Variants in MGAT4C observed in about 807,000 individuals in gnomAD.
The protein encoded by MGAT4C is alpha-1,3-mannosyl-glycoprotein 4-beta-N-acetylglucosaminyltransferase C.
In MGAT4C, 19 loss-of-function variants were observed where a neutral mutation model predicts 40.1. The observed-to-expected ratio is 0.47, with a 90% CI of 0.33 to 0.70. The LOEUF (loss-of-function observed/expected upper bound fraction) is 0.70, where lower values mean the gene tolerates loss of function less well. MGAT4C is among the 30% of genes least tolerant of loss of function. The pLI is 0.02. For synonymous variants in MGAT4C, 181 were observed against 187.1 expected, an observed-to-expected ratio of 0.97 and a Z score of 0.27; for missense variants, 491 against 563.2, an observed-to-expected ratio of 0.87 and a Z score of 1.30.
At chr12:86,612,527 A>G (rs951757205) in intron 2 of MGAT4C, among the ~76,000 whole-genome samples, 8 of 152,260 alleles carry the variant, frequency 5.3e-5, no homozygotes, top group Middle Eastern at 3.4e-3. Flanking sequence ...AGGCAAGCAG[A>G]TCATCTGAAG....
intron 1 of MGAT4C, among the ~76,000 whole-genome samples, chr12:86,194,969 T>G (rs980424904): frequency 6.6e-6 from 1 of 152,196 alleles, no homozygotes; most frequent in African/African-American, 2.4e-5. Flanking sequence ...CTTCTTAGCA[T>G]TTTGGCTAAA....
Position 85,959,663 on chromosome 12 carries a change from G to A in MGAT4C, c.*19626C>T, listed in dbSNP as rs569561864. The stretch of plus-strand genomic sequence containing the variant: ...GTTGTAGTTTCTCAGAGCAACCGCC[G>A]CTCATCTTTCACTCACCTTAACAAT... On this transcript the variant is annotated 3_prime_UTR_variant, in exon 5 of 5. Transcript: ENST00000611864. 3 of 150,084 alleles carry A rather than the reference G, an allele frequency of 2.0e-5. No homozygotes were observed. Among genetic ancestry groups the A allele is most frequent in the South Asian group, 2.1e-4 (1 of 4,742 alleles). 9.3% of individuals were successfully genotyped at this position (150,084 alleles called of 1,614,324 possible).
chr12:86,064,665 A>G (rs563905712), intron 1 of MGAT4C, among the ~76,000 whole-genome samples: 2 of 152,308 alleles, frequency 1.3e-5, no homozygotes, highest in African/African-American at 4.8e-5. Context: ...CTAGAGAAGC[A>G]AGAGCAAACA....
At chr12:86,082,112 T>C (rs1870947814) in intron 1 of MGAT4C, among the ~76,000 whole-genome samples, 1 of 152,136 alleles carries the variant, frequency 6.6e-6, no homozygotes, top group African/African-American at 2.4e-5. Flanking sequence ...AAGCACTTCA[T>C]AAGAATCCCC....
Position 85,966,288 on chromosome 12 carries a change from G to C in MGAT4C, c.*13001C>G, listed in dbSNP as rs914636555. 6.6e-6 allele frequency: 1 copy of C among 151,414 alleles called. No homozygotes were observed. The highest frequency in any genetic ancestry group is 2.4e-5 in the African/African-American group (1 of 41,204). The allele number at this position is 151,414 out of a possible 1,614,324, so 9.4% of individuals were successfully genotyped here. ...TTTTGCTAAGCTTGTGGATGAAGCC[G>C]CATGTCTCTTTTTTTTTTAACCTGG... On this transcript the variant is annotated 3_prime_UTR_variant, in exon 5 of 5. Transcript: ENST00000611864.
chr12:86,641,368 G>A (rs1385818290), intron 2 of MGAT4C, among the ~76,000 whole-genome samples: 1 of 151,330 alleles, frequency 6.6e-6, no homozygotes, highest in Non-Finnish European at 1.5e-5. Flanking sequence ...GGGGACTGTT[G>A]TGGGGTGGGG....
intron 1 of MGAT4C, among the ~76,000 whole-genome samples, chr12:86,058,279 G>A (rs1204603661): frequency 6.6e-6 from 1 of 151,926 alleles, no homozygotes; most frequent in Non-Finnish European, 1.5e-5. Context: ...TTTCTTTCTG[G>A]TCATTTCTTT....
intron 1 of MGAT4C, among the ~76,000 whole-genome samples, chr12:86,104,818 A>G (rs1376080810): frequency 6.6e-6 from 1 of 151,838 alleles, no homozygotes; most frequent in Admixed American, 6.6e-5. Flanking sequence ...AGTTATCAGA[A>G]CACTTAGGTA....
chr12:86,165,310 T>G (rs1285427165), intron 1 of MGAT4C, among the ~76,000 whole-genome samples: 1 of 152,116 alleles, frequency 6.6e-6, no homozygotes, highest in Non-Finnish European at 1.5e-5. Context: ...TCTTTAAAAA[T>G]TAAACATTCC....
intron 4 of MGAT4C, among the ~76,000 whole-genome samples, chr12:86,299,613 A>C (rs1953763295): frequency 6.6e-6 from 1 of 152,174 alleles, no homozygotes; most frequent in African/African-American, 2.4e-5. Context: ...TTTTACATTC[A>C]TGAACTTGAT....
intron 2 of MGAT4C, among the ~76,000 whole-genome samples, chr12:86,044,237 T>A (rs7486586): frequency 3.7e-3 from 571 of 152,306 alleles, no homozygotes; most frequent in African/African-American, 0.013. Context: ...AGGTTAGGAA[T>A]CTGTGGTTCT....
At chr12:86,499,952 G>A (rs1958309388) in intron 2 of MGAT4C, among the ~76,000 whole-genome samples, 1 of 151,788 alleles carries the variant, frequency 6.6e-6, no homozygotes. Context: ...CCCATCAAGA[G>A]TTACCAATTT....
chr12:86,765,496 G>A (rs1951489135), intron 1 of MGAT4C, among the ~76,000 whole-genome samples: 1 of 152,112 alleles, frequency 6.6e-6, no homozygotes, highest in African/African-American at 2.4e-5. Flanking sequence ...CCAACATTCA[G>A]AATCAGGAAA....
At chr12:86,331,196 A>G (rs1408496855) in intron 4 of MGAT4C, among the ~76,000 whole-genome samples, 1 of 152,124 alleles carries the variant, frequency 6.6e-6, no homozygotes, top group Non-Finnish European at 1.5e-5. Flanking sequence ...GTGAAGCTTG[A>G]GCTTTGACTT....
intron 2 of MGAT4C, among the ~76,000 whole-genome samples, chr12:86,628,046 G>A (rs567171254): frequency 2.0e-5 from 3 of 152,236 alleles, no homozygotes; most frequent in South Asian, 2.1e-4. Flanking sequence ...TAGAGAAGAC[G>A]TTAAATGACA....
intron 2 of MGAT4C, among the ~76,000 whole-genome samples, chr12:86,027,106 T>A (rs1229704650): frequency 6.6e-6 from 1 of 151,814 alleles, no homozygotes; most frequent in Non-Finnish European, 1.5e-5. Context: ...CTTCAAGAAA[T>A]AACGAATTTT....
At chr12:86,702,000 T>C (rs142509042) in intron 2 of MGAT4C, among the ~76,000 whole-genome samples, 5 of 152,226 alleles carry the variant, frequency 3.3e-5, no homozygotes, top group Admixed American at 2.6e-4. Context: ...TCTAAGATCA[T>C]TGATGAAGAT....
intron 1 of MGAT4C, among the ~76,000 whole-genome samples, chr12:86,818,632 T>G (rs978180954): frequency 6.6e-6 from 1 of 151,062 alleles, no homozygotes; most frequent in Admixed American, 6.6e-5. Flanking sequence ...AATCCACATG[T>G]ATACATTCAA....
chr12:86,504,296 C>T (rs1453829296), intron 2 of MGAT4C, among the ~76,000 whole-genome samples: 1 of 151,950 alleles, frequency 6.6e-6, no homozygotes, highest in Admixed American at 6.6e-5. Flanking sequence ...GGGCATATAA[C>T]CAAAAAATTT....
Sources: allele counts gnomAD v4.1 joint callset (sites outside exome capture counted in the v4.1 genomes callset), GRCh38; gene constraint gnomAD v4.1.1; transcripts MANE v1.5; gene names NCBI Gene and HGNC (gene_info 2026-07-23, HGNC 2026-07-21).